The following ST3GAL3 variants were observed in gnomAD, a reference collection of about 807,000 sequenced individuals.
The protein encoded by ST3GAL3 is ST3 beta-galactoside alpha-2,3-sialyltransferase 3.
ST3GAL3 carries 21 observed loss-of-function variants against 50.1 expected under a neutral mutation model. That is an observed-to-expected ratio of 0.42 (90% CI 0.30 to 0.60). The LOEUF is 0.60. Ranked by LOEUF, ST3GAL3 falls within the 20% of genes least tolerant of loss-of-function variation. The pLI is 0.19. For missense variants in ST3GAL3, 353 were observed against 489.4 expected, an observed-to-expected ratio of 0.72 and a Z score of 2.63; for synonymous variants, 183 against 190.0, an observed-to-expected ratio of 0.96 and a Z score of 0.30.
At chr1:43,794,286 A>G (rs1224985651) in intron 3 of ST3GAL3, among the ~76,000 whole-genome samples, 1 of 152,270 alleles carries the variant, frequency 6.6e-6, no homozygotes, top group Non-Finnish European at 1.5e-5. Context: ...AGAAAGTCCA[A>G]ATGGCCAATA....
At chr1:43,802,256 CAA>C (rs982388100) in intron 3 of ST3GAL3, among the ~76,000 whole-genome samples, 1 of 152,106 alleles carries the variant, frequency 6.6e-6, no homozygotes, top group African/African-American at 2.4e-5. Flanking sequence ...AAAACTCACA[CAA>C]ATAACTGACA....
At chr1:43,715,907 C>A (rs180770555) in intron 1 of ST3GAL3, among the ~76,000 whole-genome samples, 2 of 152,280 alleles carry the variant, frequency 1.3e-5, no homozygotes, top group Admixed American at 1.3e-4. Flanking sequence ...TGAGAGTGAA[C>A]AAGGCAAAGA....
At chr1:43,929,874 C>T in intron 11 of ST3GAL3, 1 of 544,454 alleles carries the variant, frequency 1.8e-6, no homozygotes, top group East Asian at 3.7e-5. Flanking sequence ...GGTTGGGAAG[C>T]TTAACGGTTT....
intron 2 of ST3GAL3, among the ~76,000 whole-genome samples, chr1:43,750,241 T>C (rs1000698599): frequency 1.3e-5 from 2 of 152,218 alleles, no homozygotes; most frequent in Admixed American, 6.5e-5. Flanking sequence ...TGTAAAATGG[T>C]ACAACCACTG....
At chr1:43,884,409 A>G (rs1056930296) in intron 5 of ST3GAL3, among the ~76,000 whole-genome samples, 2 of 152,216 alleles carry the variant, frequency 1.3e-5, no homozygotes, top group African/African-American at 2.4e-5. Flanking sequence ...AGCAAGACAC[A>G]TATTTGACAG....
intron 5 of ST3GAL3, among the ~76,000 whole-genome samples, chr1:43,858,496 G>A (rs2069070257): frequency 6.6e-6 from 1 of 152,238 alleles, no homozygotes; most frequent in Non-Finnish European, 1.5e-5. Flanking sequence ...TAGCAGCTTT[G>A]CTTTTTTTGG....
chr1:43,821,676 G>T (rs1015283403), intron 4 of ST3GAL3, among the ~76,000 whole-genome samples: 1 of 152,150 alleles, frequency 6.6e-6, no homozygotes, highest in Non-Finnish European at 1.5e-5. Context: ...CCTGAGAATT[G>T]ACCCCGTCTT....
At position 43,800,905 on chromosome 1, in the gene ST3GAL3, A is replaced by G. The variant is rs147331526; in HGVS notation, c.166+8756A>G. On this transcript the variant is annotated intron_variant, in intron 3 of 11. Coordinates refer to ENST00000347631, the MANE Select transcript of ST3GAL3 (RefSeq NM_006279.5). ...CATGACTTTTTTTTAGAGATTGTAC[A>G]GTGACATTTCTTAAGAAATGATAGA... 3.0e-4 allele frequency among the ~76,000 whole-genome samples: 45 copies of G among 152,272 alleles called. 1 individual carries two copies. The highest frequency in any genetic ancestry group is 5.9e-5 in the Non-Finnish European group (4 of 68,022).
chr1:43,708,511 C>T (rs942052451), intron 1 of ST3GAL3, among the ~76,000 whole-genome samples: 9 of 152,168 alleles, frequency 5.9e-5, no homozygotes, highest in African/African-American at 1.9e-4. Context: ...TATTAGGTTA[C>T]TAAAAGTAAG....
intron 1 of ST3GAL3, among the ~76,000 whole-genome samples, chr1:43,720,890 T>G (rs1197475594): frequency 6.6e-6 from 1 of 152,150 alleles, no homozygotes; most frequent in Non-Finnish European, 1.5e-5. Flanking sequence ...TGCCAGCTGA[T>G]GAATGGATAA....
intron 11 of ST3GAL3, among the ~76,000 whole-genome samples, chr1:43,925,566 A>C (rs1166471998): frequency 1.3e-5 from 2 of 152,158 alleles, no homozygotes; most frequent in African/African-American, 4.8e-5. Context: ...ATTCACTGAG[A>C]ATGTTGGTGC....
intron 9 of ST3GAL3, among the ~76,000 whole-genome samples, chr1:43,917,605 A>ATATAT (rs55852728): frequency 0.7 from 49,348 of 70,382 alleles, 17,955 homozygotes; most frequent in Non-Finnish European, 0.8. Context: ...TATATATATT[A>ATATAT]TATATTATAT....
Position 43,920,500 on chromosome 1 carries a change from G to A in ST3GAL3, c.841G>A (p.Ala281Thr), listed in dbSNP as rs371540962. The change falls in exon 10 of 12, where the codon GCC (alanine) becomes ACC (threonine). Residue 281 changes from alanine to threonine, a missense_variant. By Grantham distance (58) the Ala-to-Thr change is moderately conservative. Coordinates refer to ENST00000347631, the MANE Select transcript of ST3GAL3 (RefSeq NM_006279.5). ...ILNPYFIQEA[A>T]FTLIGLPFNN... The stretch of plus-strand genomic sequence containing the variant: ...CAACCCATATTTCATCCAGGAGGCC[G>A]CCTTCACCCTCATTGGCCTGCCCTT... The A allele has an allele frequency of 1.4e-5, 22 of 1,614,032 alleles. No homozygotes were observed. Among genetic ancestry groups the A allele is most frequent in the African/African-American group, 5.3e-5 (4 of 74,900 alleles).
At chr1:43,911,373 T>G (rs2154286485) in intron 9 of ST3GAL3, 1 of 149,728 alleles carries the variant, frequency 6.7e-6, no homozygotes, top group East Asian at 2.0e-4. Context: ...CTTCTTATGG[T>G]ATGGGATGGG....
At chr1:43,743,047 G>A (rs535997711) in intron 2 of ST3GAL3, among the ~76,000 whole-genome samples, 2 of 147,772 alleles carry the variant, frequency 1.4e-5, no homozygotes, top group East Asian at 4.0e-4. Context: ...CCGAGATCGC[G>A]CCACTGCACT....
At chr1:43,824,895 G>A (rs2062587810) in intron 4 of ST3GAL3, 1 of 756,618 alleles carries the variant, frequency 1.3e-6, no homozygotes. Flanking sequence ...CTGCCCAGGT[G>A]AGTCTAATAT....
Position 43,894,625 on chromosome 1 carries a change from CTTTT to C in ST3GAL3, c.397+152_397+155del, listed in dbSNP as rs1045997654. 5 of 762,784 alleles carry C rather than the reference CTTTT, an allele frequency of 6.6e-6. No homozygotes were observed. The African/African-American group carries it at 6.9e-5, about 11-fold the overall frequency. The allele number at this position is 762,784 out of a possible 1,614,324, so 47.3% of individuals were successfully genotyped here. On this transcript the variant is annotated intron_variant, in intron 6 of 11. Transcript: ENST00000347631. ...AAATCTTCTCTACCTTTTTCCCTTC[CTTTT>C]TTTGTTTGTTTGTTTGTTTTTTTTT...
chr1:43,725,491 C>T (rs1038380922), intron 1 of ST3GAL3, among the ~76,000 whole-genome samples: 8 of 152,086 alleles, frequency 5.3e-5, no homozygotes, highest in African/African-American at 1.9e-4. Context: ...AGCCGCTGCG[C>T]CTGGCCTGCA....
intron 2 of ST3GAL3, among the ~76,000 whole-genome samples, chr1:43,761,446 TATTTAGA>T (rs1690297489): frequency 6.6e-6 from 1 of 152,092 alleles, no homozygotes; most frequent in Admixed American, 6.5e-5. Flanking sequence ...CAGAAGGATG[TATTTAGA>T]TATGAAATGA....
Sources: allele counts gnomAD v4.1 joint callset (sites outside exome capture counted in the v4.1 genomes callset), GRCh38; gene constraint gnomAD v4.1.1; transcripts MANE v1.5; gene names NCBI Gene and HGNC (gene_info 2026-07-23, HGNC 2026-07-21).